Variants in CSNK1G1 observed in about 807,000 individuals in gnomAD.
CSNK1G1 encodes the protein casein kinase I isoform gamma-1.
A neutral mutation model predicts 59.6 loss-of-function variants in CSNK1G1; 22 were observed. That is an observed-to-expected ratio of 0.37 (90% CI 0.26 to 0.53). The LOEUF is 0.53. Among genes scored for constraint, CSNK1G1 ranks in the 20% least tolerant of loss-of-function variants. CSNK1G1 has a pLI of 0.89. For missense variants in CSNK1G1, 384 were observed against 519.5 expected (o/e 0.74, Z 2.54); for synonymous variants, 179 against 177.1 (o/e 1.01, Z -0.08).
At position 64,199,020 on chromosome 15, in the gene CSNK1G1, T is replaced by C. The variant is rs993524321; in HGVS notation, c.1107+4062A>G. On this transcript the variant is annotated intron_variant, in intron 10 of 11. Coordinates refer to ENST00000303052, the MANE Select transcript of CSNK1G1 (RefSeq NM_022048.5). ...ATTTTGGGAGGCAGAGGTGGGCAGA[T>C]TGCTTGAACCCAGGAATTTGAGAAC... 2.6e-5 allele frequency among the ~76,000 whole-genome samples: 4 copies of C among 151,714 alleles called. No individual in the cohort carries two copies. In the South Asian group the frequency reaches 6.3e-4, roughly 24 times the overall value.
chr15:64,283,269 G>C (rs924196048), intron 2 of CSNK1G1, among the ~76,000 whole-genome samples: 16 of 151,628 alleles, frequency 1.1e-4, no homozygotes, highest in Non-Finnish European at 1.8e-4. Context: ...TATATATTCT[G>C]AATACTAGCC....
chr15:64,231,526 T>C (rs1596131917), intron 4 of CSNK1G1, among the ~76,000 whole-genome samples: 1 of 151,358 alleles, frequency 6.6e-6, no homozygotes, highest in Non-Finnish European at 1.5e-5. Flanking sequence ...TAGCTTAGAA[T>C]AGTACTTAAC....
intron 4 of CSNK1G1, among the ~76,000 whole-genome samples, chr15:64,237,806 A>C (rs1220199219): frequency 6.6e-6 from 1 of 152,206 alleles, no homozygotes; most frequent in Non-Finnish European, 1.5e-5. Flanking sequence ...TGTGGTACCA[A>C]CCAGCACTGC....
At position 64,171,776 on chromosome 15, in the gene CSNK1G1, C is replaced by A; in HGVS notation, c.*155G>T. On this transcript the variant is annotated 3_prime_UTR_variant, in exon 12 of 12. Transcript: ENST00000303052. The surrounding 1 kb of genome is among the most constrained non-coding windows in gnomAD (Gnocchi z 4.8). The stretch of plus-strand genomic sequence containing the variant: ...AATGACCCACTAGGCCCTGGCTGCC[C>A]GCACTGGCCCCTTCTGGGGGCATCT... The A allele has an allele frequency of 1.4e-6, 1 of 695,548 alleles. No homozygotes were observed. The highest frequency in any genetic ancestry group is 2.3e-5 in the Admixed American group (1 of 43,826). The allele number at this position is 695,548 out of a possible 1,614,324, so 43.1% of individuals were successfully genotyped here.
intron 1 of CSNK1G1, 24 bp from the exon 2 acceptor site, chr15:64,300,747 G>A (rs936250470): frequency 4.9e-6 from 6 of 1,224,636 alleles, no homozygotes; most frequent in African/African-American, 3.1e-5. Flanking sequence ...AAGAAAACAT[G>A]TAGTTAAAAA....
At chr15:64,291,432 C>CA (rs765679418) in intron 2 of CSNK1G1, among the ~76,000 whole-genome samples, 15 of 152,000 alleles carry the variant, frequency 9.9e-5, no homozygotes, top group Non-Finnish European at 1.9e-4. Flanking sequence ...ACTAAAAATA[C>CA]AAAAAATTAG....
At chr15:64,274,141 A>G (rs1370652098) in intron 2 of CSNK1G1, among the ~76,000 whole-genome samples, 1 of 126,986 alleles carries the variant, frequency 7.9e-6, no homozygotes, top group Non-Finnish European at 1.6e-5. Flanking sequence ...AATCAAATAC[A>G]TGTTACCCTT....
intron 6 of CSNK1G1, among the ~76,000 whole-genome samples, chr15:64,208,065 T>C (rs1020243661): frequency 6.6e-6 from 1 of 152,256 alleles, no homozygotes; most frequent in Non-Finnish European, 1.5e-5. Flanking sequence ...ACATGCCAAG[T>C]GCTTTTTATT....
chr15:64,240,023 C>T (rs1860982442), intron 4 of CSNK1G1, among the ~76,000 whole-genome samples: 1 of 152,192 alleles, frequency 6.6e-6, no homozygotes, highest in South Asian at 2.1e-4. Context: ...CACTTGAGGT[C>T]AGGAGTTCAA....
At chr15:64,282,879 T>C (rs1894218501) in intron 2 of CSNK1G1, among the ~76,000 whole-genome samples, 2 of 152,218 alleles carry the variant, frequency 1.3e-5, no homozygotes, top group African/African-American at 4.8e-5. Context: ...GGTTTTGATA[T>C]GCATTTCCCC....
intron 6 of CSNK1G1, among the ~76,000 whole-genome samples, chr15:64,211,313 A>G (rs886590927): frequency 3.9e-5 from 6 of 152,234 alleles, no homozygotes; most frequent in Admixed American, 3.3e-4. Flanking sequence ...CACATTTAAA[A>G]ACCAATAGCA....
intron 1 of CSNK1G1, among the ~76,000 whole-genome samples, chr15:64,343,236 C>CACACA (rs1555405238): frequency 6.6e-6 from 1 of 150,824 alleles, no homozygotes; most frequent in Admixed American, 6.6e-5. Flanking sequence ...CACACACACA[C>CACACA]CTCTTCTAAA....
rs545419571 is a variant in CSNK1G1, at chr15:64,202,933, T to C, written c.1107+149A>G. Reference sequence around the variant, plus strand: ...CAACTATACATGCCCTGAGGGTTGCTTGAAAGTCATACCACACCTGTAAGA... The same window carrying C: ...CAACTATACATGCCCTGAGGGTTGCCTGAAAGTCATACCACACCTGTAAGA... On this transcript the variant is annotated intron_variant, in intron 10 of 11. Transcript: ENST00000303052. The C allele has an allele frequency of 1.8e-4, 116 of 658,372 alleles. 2 individuals are homozygous for C. The South Asian group carries it at 1.9e-3, about 11-fold the overall frequency. 40.8% of individuals were successfully genotyped at this position (658,372 alleles called of 1,614,324 possible).
chr15:64,217,615 T>G (rs2082329139), intron 4 of CSNK1G1, among the ~76,000 whole-genome samples: 1 of 152,028 alleles, frequency 6.6e-6, no homozygotes. Context: ...GTCAAGAGTT[T>G]GAGACCAGCC....
intron 2 of CSNK1G1, among the ~76,000 whole-genome samples, chr15:64,266,080 TG>T (rs1431515465): frequency 5.3e-5 from 8 of 152,022 alleles, no homozygotes; most frequent in Non-Finnish European, 1.2e-4. Context: ...TTTTTTTTTT[TG>T]GAGACAGAGT....
intron 2 of CSNK1G1, among the ~76,000 whole-genome samples, chr15:64,298,979 G>A (rs1895172704): frequency 6.6e-6 from 1 of 152,116 alleles, no homozygotes. Context: ...AGAGGAGGTT[G>A]CAGTGAGCTG....
chr15:64,337,019 G>A (rs778934628), intron 1 of CSNK1G1, among the ~76,000 whole-genome samples: 60 of 152,118 alleles, frequency 3.9e-4, no homozygotes, highest in Non-Finnish European at 7.8e-4. Flanking sequence ...CCTGAGGTCA[G>A]GAGTTCAAGA....
chr15:64,288,534 A>G (rs1894551628), intron 2 of CSNK1G1, among the ~76,000 whole-genome samples: 1 of 152,010 alleles, frequency 6.6e-6, no homozygotes, highest in African/African-American at 2.4e-5. Context: ...AAAATATTAC[A>G]TGATACTTTA....
intron 2 of CSNK1G1, among the ~76,000 whole-genome samples, chr15:64,278,724 C>A (rs1349201498): frequency 6.6e-6 from 1 of 152,102 alleles, no homozygotes; most frequent in East Asian, 1.9e-4. Flanking sequence ...CCGTGCCCAG[C>A]CATAAAAGTA....
Sources: allele counts gnomAD v4.1 joint callset (sites outside exome capture counted in the v4.1 genomes callset), GRCh38; gene constraint gnomAD v4.1.1; non-coding constraint Gnocchi (gnomAD v3.1); transcripts MANE v1.5; gene names NCBI Gene and HGNC (gene_info 2026-07-23, HGNC 2026-07-21).